KIAA0513: variants seen among roughly 807,000 people sequenced by gnomAD.
The protein encoded by KIAA0513 is uncharacterized protein KIAA0513.
A neutral mutation model predicts 56.5 loss-of-function variants in KIAA0513; 39 were observed. The observed-to-expected ratio is 0.69, with a 90% confidence interval of 0.53 to 0.90. The LOEUF (loss-of-function observed/expected upper bound fraction) is 0.90. Among genes scored for constraint, KIAA0513 ranks in the 40% least tolerant of loss-of-function variants. The probability of loss-of-function intolerance (pLI) is 0.00; values close to 1 mark genes in which losing one functional copy is unlikely to be tolerated. For missense variants in KIAA0513, 591 were observed against 535.2 expected (o/e 1.10, Z -1.03); for synonymous variants, 268 against 215.6 (o/e 1.24, Z -2.13).
chr16:85,037,470 G>A (rs1458608589), intron 1 of KIAA0513, among the ~76,000 whole-genome samples: 2 of 152,074 alleles, frequency 1.3e-5, no homozygotes, highest in Non-Finnish European at 2.9e-5. Flanking sequence ...AGTAAGTATC[G>A]AGAATGCAAT....
intron 1 of KIAA0513, among the ~76,000 whole-genome samples, chr16:85,048,919 G>A (rs1368498427): frequency 6.6e-6 from 1 of 152,226 alleles, no homozygotes; most frequent in Non-Finnish European, 1.5e-5. Flanking sequence ...CAGCCCAGAG[G>A]GAGGTGGGGA....
At position 85,092,146 on chromosome 16, in the gene KIAA0513, C is replaced by G. The variant is rs1597657322; in HGVS notation, c.*3821C>G. On this transcript the variant is annotated 3_prime_UTR_variant, in exon 13 of 13. Coordinates refer to ENST00000683363, the MANE Select transcript of KIAA0513 (RefSeq NM_001388359.1). ...TTGGTAGAGATGGGGTTTCACCATG[C>G]TGGCCAGGCTGGTCTCGAACTCCTG... 1 of 151,928 alleles carries G rather than the reference C, an allele frequency of 6.6e-6. No homozygotes were observed. The highest frequency in any genetic ancestry group is 2.4e-5 in the African/African-American group (1 of 41,348). The allele number at this position is 151,928 out of a possible 1,614,324, so 9.4% of individuals were successfully genotyped here.
Position 85,076,037 on chromosome 16 carries a change from G to A in KIAA0513, c.574+123G>A, listed in dbSNP as rs1329764110. ...ATGGGGCCTCCAGAGAACAGAGGAA[G>A]CTGATGTTAGGGAGGAGTGAGACTT... On this transcript the variant is annotated intron_variant, in intron 5 of 12. Transcript: ENST00000683363. This position sits in a 1 kb window ranked among gnomAD's most constrained non-coding sequence, Gnocchi z 4.7. The A allele has an allele frequency of 2.8e-6, 2 of 708,604 alleles. No individual in the cohort carries two copies. Among genetic ancestry groups the A allele is most frequent in the Admixed American group, 4.6e-5 (2 of 43,602 alleles). 43.9% of individuals were successfully genotyped at this position (708,604 alleles called of 1,614,324 possible). A position where few individuals can be genotyped will look rare whatever the true frequency, so the allele number is the denominator to read the frequency against.
rs965649618 is a variant in KIAA0513 at position 85,081,569 on chromosome 16, T to G, written c.980+177T>G. 2.0e-5 allele frequency among the ~76,000 whole-genome samples: 3 copies of G among 151,800 alleles called. No homozygotes were observed. The highest frequency in any genetic ancestry group is 6.6e-5 in the Admixed American group (1 of 15,240). ...GCCTGAGGGGTCACAGCTTCATGGG[T>G]GGGGGTGCTCAGCTTGCATGAGCGC... On this transcript the variant is annotated intron_variant, in intron 9 of 12. Coordinates refer to ENST00000683363, the MANE Select transcript of KIAA0513 (RefSeq NM_001388359.1). This position sits in a 1 kb window ranked among gnomAD's most constrained non-coding sequence, Gnocchi z 4.4.
intron 8 of KIAA0513, chr16:85,079,373 CCCGAGGTGGAAACCACCTT>C (rs1479687536): frequency 2.2e-5 from 5 of 226,602 alleles, no homozygotes; most frequent in South Asian, 1.8e-4. Flanking sequence ...TTATTATGGC[CCCGAGGTGGAAACCACCTT>C]CATGGCTGTC....
At chr16:85,050,770 G>A (rs1419227171) in intron 1 of KIAA0513, among the ~76,000 whole-genome samples, 3 of 152,208 alleles carry the variant, frequency 2.0e-5, no homozygotes, top group Non-Finnish European at 4.4e-5. Flanking sequence ...ACAGTAGATT[G>A]TGTGCTCTGT....
chr16:85,041,388 G>A (rs2073102033), intron 1 of KIAA0513, among the ~76,000 whole-genome samples: 1 of 152,234 alleles, frequency 6.6e-6, no homozygotes, highest in Admixed American at 6.5e-5. Flanking sequence ...CAGGCAGAGT[G>A]GAGTTCTGCT....
chr16:85,068,212 A>G (rs956374744), intron 2 of KIAA0513, among the ~76,000 whole-genome samples: 2 of 151,444 alleles, frequency 1.3e-5, no homozygotes, highest in African/African-American at 4.9e-5. Context: ...GCTGGAGTGC[A>G]GTGGTGCGAT....
rs1221854434 is a variant in KIAA0513, at chr16:85,089,234, G to A, written c.*909G>A. ...ACCACCCTTTCTGAAAGCAAACAGTGCTGCTCTTTATTCCAGACAAGGCAG... is the reference window on the plus strand; with the variant it reads ...ACCACCCTTTCTGAAAGCAAACAGTACTGCTCTTTATTCCAGACAAGGCAG... On this transcript the variant is annotated 3_prime_UTR_variant, in exon 13 of 13. Transcript: ENST00000683363. The surrounding 1 kb of genome is among the most constrained non-coding windows in gnomAD (Gnocchi z 4.2). 1 of 152,336 alleles carries A rather than the reference G, an allele frequency of 6.6e-6. No individual in the cohort carries two copies. The highest frequency in any genetic ancestry group is 2.4e-5 in the African/African-American group (1 of 41,468). 9.4% of individuals were successfully genotyped at this position (152,336 alleles called of 1,614,324 possible).
At chr16:85,060,941 G>T (rs974708349) in intron 1 of KIAA0513, among the ~76,000 whole-genome samples, 1 of 151,742 alleles carries the variant, frequency 6.6e-6, no homozygotes, top group Non-Finnish European at 1.5e-5. Context: ...ATCACCTGAG[G>T]TCAGGAGTTC....
chr16:85,052,501 C>G (rs2073267991), intron 1 of KIAA0513, among the ~76,000 whole-genome samples: 1 of 152,196 alleles, frequency 6.6e-6, no homozygotes, highest in Admixed American at 6.5e-5. Flanking sequence ...GCAACAAGAG[C>G]AAAACCCTGT....
At chr16:85,072,823 C>T in intron 3 of KIAA0513, 102 bp from the exon 4 acceptor site, 1 of 1,158,944 alleles carries the variant, frequency 8.6e-7, no homozygotes, top group African/African-American at 1.5e-5. Flanking sequence ...GCCCCCATCC[C>T]AGCTGCATTT....
chr16:85,041,920 C>G lies in KIAA0513; in HGVS notation c.-173+14062C>G, dbSNP rs1449333948. ...CAGTGTCCCGCTCTTGAAACGATTC[C>G]CGGGATTCCGAGCGTTTGCCCCTAT... On this transcript the variant is annotated intron_variant, in intron 1 of 12. Coordinates refer to ENST00000683363, the MANE Select transcript of KIAA0513 (RefSeq NM_001388359.1). 2.6e-5 allele frequency among the ~76,000 whole-genome samples: 4 copies of G among 152,304 alleles called. No homozygotes were observed. In the East Asian group the frequency reaches 7.7e-4, roughly 29 times the overall value.
rs537896953 is a variant in KIAA0513 at position 85,080,386 on chromosome 16, C to T, written c.903-929C>T. Among the ~76,000 whole-genome samples the T allele has an allele frequency of 5.5e-4, 84 of 152,268 alleles. 2 individuals are homozygous for T. In the South Asian group the frequency reaches 0.017, roughly 30 times the overall value. On this transcript the variant is annotated intron_variant, in intron 8 of 12. Coordinates refer to ENST00000683363, the MANE Select transcript of KIAA0513 (RefSeq NM_001388359.1). Reference sequence around the variant, plus strand: ...GTTGTAGCGTGAACACCACCAGAGACGTTGTATAAATGGATGAGCGTGGCT... The same window carrying T: ...GTTGTAGCGTGAACACCACCAGAGATGTTGTATAAATGGATGAGCGTGGCT...
intron 4 of KIAA0513, 86 bp downstream of exon 4, chr16:85,073,084 C>T: frequency 8.8e-7 from 1 of 1,138,874 alleles, no homozygotes; most frequent in Non-Finnish European, 1.3e-6. Flanking sequence ...GTGTCATAAC[C>T]CAGCTGTGAA....
rs373468207 is a variant in KIAA0513 at position 85,067,397 on chromosome 16, G to C, written c.326G>C (p.Gly109Ala). ...GGCTACGTGGAGAAGATCTTCTCTG[G>C]AGGGTAAGGGGCCTGTGTGGACGAG... ...MRGYVEKIFS[G>A]GEDLDQEEKA... The change falls in exon 2 of 13, where the codon GGA (glycine) becomes GCA (alanine). Residue 109 changes from glycine to alanine, a missense_variant. Coordinates refer to ENST00000683363, the MANE Select transcript of KIAA0513 (RefSeq NM_001388359.1). 8 of 1,597,184 alleles carry C rather than the reference G, an allele frequency of 5.0e-6. No homozygotes were observed. Among genetic ancestry groups the C allele is most frequent in the African/African-American group, 1.3e-5 (1 of 74,868 alleles).
chr16:85,082,112 T>C (rs2073752565), intron 9 of KIAA0513, among the ~76,000 whole-genome samples: 1 of 152,146 alleles, frequency 6.6e-6, no homozygotes, highest in African/African-American at 2.4e-5. Context: ...TTCACTCTTG[T>C]CAGGAGAGTG....
intron 1 of KIAA0513, among the ~76,000 whole-genome samples, chr16:85,066,537 G>A (rs1042819447): frequency 6.6e-6 from 1 of 152,192 alleles, no homozygotes; most frequent in Non-Finnish European, 1.5e-5. Context: ...TGATTCCAGT[G>A]ACAGCTAGCG....
chr16:85,088,421 G>A lies in KIAA0513; in HGVS notation c.*96G>A, dbSNP rs1377769144. On this transcript the variant is annotated 3_prime_UTR_variant, in exon 13 of 13. Transcript: ENST00000683363. ...CACCCCACCCGATGACCTGCATGAAGCCAGCAGCACCCAGAGCCACTCCTG... is the reference window on the plus strand; with the variant it reads ...CACCCCACCCGATGACCTGCATGAAACCAGCAGCACCCAGAGCCACTCCTG... The A allele has an allele frequency of 9.3e-7, 1 of 1,070,562 alleles. No homozygotes were observed. The highest frequency in any genetic ancestry group is 1.6e-5 in the African/African-American group (1 of 64,438). The allele number at this position is 1,070,562 out of a possible 1,614,324, so 66.3% of individuals were successfully genotyped here.
Sources: gnomAD v4.1 joint callset for allele counts (sites outside exome capture counted in the v4.1 genomes callset) on GRCh38, gnomAD v4.1.1 for gene constraint, Gnocchi (gnomAD v3.1) non-coding constraint, MANE v1.5 for transcripts, NCBI Gene and HGNC (gene_info 2026-07-23, HGNC 2026-07-21) for gene names.